HIVEP1: variants seen among roughly 807,000 people sequenced by gnomAD.
The protein encoded by HIVEP1 is zinc finger protein 40.
Under a neutral mutation model 180.0 loss-of-function variants are expected in HIVEP1, and 36 were observed. The observed-to-expected ratio is 0.20, with a 90% CI of 0.15 to 0.26. The LOEUF is 0.26. Among genes scored for constraint, HIVEP1 ranks in the 10% least tolerant of loss-of-function variants. The probability of loss-of-function intolerance (pLI) is 1.00; values close to 1 mark genes in which losing one functional copy is unlikely to be tolerated. For missense variants in HIVEP1, 3,143 were observed against 3,268.7 expected (o/e 0.96, Z 0.94); for synonymous variants, 1,239 against 1,239.0 (o/e 1.00, Z 0.00).
At chr6:12,086,246 G>C (rs1354898722) in intron 2 of HIVEP1, among the ~76,000 whole-genome samples, 1 of 152,046 alleles carries the variant, frequency 6.6e-6, no homozygotes, top group Non-Finnish European at 1.5e-5. Context: ...CCAAGTGATG[G>C]CTCCTCCAAG....
chr6:12,164,726 T>A lies in HIVEP1; in HGVS notation c.*265T>A, dbSNP rs775925896. ...TATATACATAAAAATATATTATATA[T>A]GTATATGAAAACCAGGTAGTTATTT... On this transcript the variant is annotated 3_prime_UTR_variant, in exon 9 of 9. Transcript: ENST00000379388. The A allele has an allele frequency of 4.3e-6, 1 of 232,318 alleles. No individual in the cohort carries two copies. Among genetic ancestry groups the A allele is most frequent in the Non-Finnish European group, 8.2e-6 (1 of 121,376 alleles). The allele number at this position is 232,318 out of a possible 1,614,324, so 14.4% of individuals were successfully genotyped here.
chr6:12,195,780 G>T, the HIVEP1 span, among the ~76,000 whole-genome samples: 221 of 152,260 alleles, frequency 1.5e-3, no homozygotes, highest in Non-Finnish European at 2.2e-3. Context: ...TTGCTAAATT[G>T]GTTGATGCCA....
At chr6:12,189,415 C>G in the HIVEP1 span, among the ~76,000 whole-genome samples, 1 of 151,658 alleles carries the variant, frequency 6.6e-6, no homozygotes, top group East Asian at 1.9e-4. Context: ...GATAAAATAC[C>G]TACATATTGT....
intron 2 of HIVEP1, among the ~76,000 whole-genome samples, chr6:12,051,853 A>C (rs1323584411): frequency 6.6e-6 from 1 of 152,178 alleles, no homozygotes; most frequent in African/African-American, 2.4e-5. Flanking sequence ...CTTGTCCATA[A>C]TTATACTTCA....
chr6:12,064,745 C>G (rs751183316), intron 2 of HIVEP1, among the ~76,000 whole-genome samples: 1 of 152,114 alleles, frequency 6.6e-6, no homozygotes. Flanking sequence ...CTCCCCACGC[C>G]GTACACACAC....
At chr6:12,168,225 T>TA (rs371343189), downstream of HIVEP1, among the ~76,000 whole-genome samples, 2 of 100,830 alleles carry the variant, frequency 2.0e-5, no homozygotes, top group East Asian at 2.5e-4. Flanking sequence ...TATACATATA[T>TA]TATATACATA....
At chr6:12,068,012 C>A (rs952012245) in intron 2 of HIVEP1, among the ~76,000 whole-genome samples, 1 of 151,916 alleles carries the variant, frequency 6.6e-6, no homozygotes, top group Non-Finnish European at 1.5e-5. Context: ...ATTTCTGATT[C>A]GTGCTGGTGA....
At chr6:12,071,120 T>G (rs1339779704) in intron 2 of HIVEP1, among the ~76,000 whole-genome samples, 1 of 152,274 alleles carries the variant, frequency 6.6e-6, no homozygotes, top group Non-Finnish European at 1.5e-5. Context: ...AGTCTCATGT[T>G]CCAAATTCAT....
chr6:12,171,155 C>G, the HIVEP1 span, among the ~76,000 whole-genome samples: 1 of 152,160 alleles, frequency 6.6e-6, no homozygotes, highest in South Asian at 2.1e-4. Context: ...ATGTGCCACC[C>G]TCATCCCTCC....
chr6:12,120,179 T>G lies in HIVEP1; in HGVS notation c.384T>G (p.Ser128=). The part of the protein sequence containing the change: ...IIAEASKSEE[S]VSPKKPLFLQ... ...CTGAAGCCTCAAAATCTGAAGAATC[T>G]GTCTCCCCAAAGAAGCCCTTGTTTC... The change falls in exon 4 of 9, where the codon TCT becomes TCG. Residue 128 remains serine, a synonymous_variant. Transcript: ENST00000379388. The G allele has an allele frequency of 6.2e-7, 1 of 1,614,230 alleles. No homozygotes were observed. Among genetic ancestry groups the G allele is most frequent in the Non-Finnish European group, 8.5e-7 (1 of 1,180,040 alleles).
At chr6:12,131,536 AC>A (rs557116052) in intron 6 of HIVEP1, among the ~76,000 whole-genome samples, 33 of 151,600 alleles carry the variant, frequency 2.2e-4, no homozygotes, top group African/African-American at 2.2e-4. Flanking sequence ...TATATTTAGG[AC>A]CCTTTCTGGT....
At chr6:12,076,282 CT>C (rs1772344872) in intron 2 of HIVEP1, among the ~76,000 whole-genome samples, 2 of 152,104 alleles carry the variant, frequency 1.3e-5, no homozygotes, top group African/African-American at 4.8e-5. Context: ...GTATGGGTTA[CT>C]AATTAAGCAC....
the HIVEP1 span, among the ~76,000 whole-genome samples, chr6:12,203,091 G>A: frequency 1.5e-4 from 23 of 152,220 alleles, no homozygotes; most frequent in Non-Finnish European, 1.5e-4. Context: ...GCATTTTGTG[G>A]TTGGACTCTA....
At chr6:12,033,263 T>A (rs1040656986) in intron 2 of HIVEP1, among the ~76,000 whole-genome samples, 1 of 152,198 alleles carries the variant, frequency 6.6e-6, no homozygotes, top group Non-Finnish European at 1.5e-5. Flanking sequence ...ATTTGACTTA[T>A]GATATTTTCA....
the HIVEP1 span, among the ~76,000 whole-genome samples, chr6:12,179,326 G>A: frequency 6.6e-6 from 1 of 152,200 alleles, no homozygotes; most frequent in Admixed American, 6.5e-5. Flanking sequence ...GGCTTGCAGT[G>A]GTCCTGTTCC....
Position 12,123,978 on chromosome 6 carries a change from C to G in HIVEP1, c.4183C>G (p.Pro1395Ala), listed in dbSNP as rs779294839. ...ATCATTCGATTGTGGAAGCATCACC[C>G]CACCCCAGACAACACCACTTACTGA... ...SKSFDCGSIT[P>A]PQTTPLTELQ... The change falls in exon 4 of 9, where the codon CCA becomes GCA. Residue 1395 changes from proline (P) to alanine (A), a missense_variant. Transcript: ENST00000379388. 1.2e-6 allele frequency: 2 copies of G among 1,614,112 alleles called. No homozygotes were observed. Among genetic ancestry groups the G allele is most frequent in the East Asian group, 4.5e-5 (2 of 44,874 alleles).
rs61620887 is a variant in HIVEP1 at position 12,065,692 on chromosome 6, CGTGTGT to C, written c.41-23476_41-23471del. On this transcript the variant is annotated intron_variant, in intron 2 of 8. Coordinates refer to ENST00000379388, the MANE Select transcript of HIVEP1 (RefSeq NM_002114.4). Reference sequence around the variant, plus strand: ...TTTTGTGTGTGTGTGTGTGTGTGTGCGTGTGTGTGTGTGTGTGTGTGCATTGAATGG... The same window carrying C: ...TTTTGTGTGTGTGTGTGTGTGTGTGCGTGTGTGTGTGTGTGCATTGAATGG... 2.7e-3 allele frequency among the ~76,000 whole-genome samples: 391 copies of C among 145,206 alleles called. 3 individuals are homozygous for C. Among genetic ancestry groups the C allele is most frequent in the African/African-American group, 9.3e-3 (370 of 39,604 alleles).
chr6:12,128,871 A>G (rs1227129855), intron 4 of HIVEP1, among the ~76,000 whole-genome samples: 1 of 152,204 alleles, frequency 6.6e-6, no homozygotes, highest in Non-Finnish European at 1.5e-5. Context: ...CTAGACCTGG[A>G]TGCCACATTT....
In HIVEP1 at chr6:12,123,212, C is replaced by A; in HGVS notation, c.3417C>A (p.Thr1139=). 3 of 1,614,158 alleles carry A rather than the reference C, an allele frequency of 1.9e-6. No individual in the cohort carries two copies. In the South Asian group the frequency reaches 3.3e-5, roughly 18 times the overall value. The change falls in exon 4 of 9, where the codon ACC becomes ACA. Residue 1139 remains threonine, a synonymous_variant. Transcript: ENST00000379388. The part of the protein sequence containing the change: ...HGTGISVIQH[T]NSLSRPNSFD... The stretch of plus-strand genomic sequence containing the variant: ...CTGGAATCTCTGTCATCCAGCACAC[C>A]AACTCCCTGAGCAGGCCCAACTCAT...
Sources: gnomAD v4.1 joint callset for allele counts (sites outside exome capture counted in the v4.1 genomes callset) on GRCh38, gnomAD v4.1.1 for gene constraint, MANE v1.5 for transcripts, NCBI Gene and HGNC (gene_info 2026-07-23, HGNC 2026-07-21) for gene names.